The following IQCM variants were observed in gnomAD, a reference collection of about 807,000 sequenced individuals.
The protein encoded by IQCM is IQ motif containing M, also known as IQ domain-containing protein M.
IQCM carries 45 observed loss-of-function variants against 57.6 expected under a neutral mutation model. The observed-to-expected ratio is 0.78, with a 90% CI of 0.62 to 1.00. The LOEUF is 1.00. Among genes scored for constraint, IQCM ranks in the 50% least tolerant of loss-of-function variants. The probability of loss-of-function intolerance (pLI) is 0.00; values close to 1 mark genes in which losing one functional copy is unlikely to be tolerated. For missense variants in IQCM, 468 were observed against 511.6 expected (o/e 0.91, Z 0.82); for synonymous variants, 148 against 158.9 (o/e 0.93, Z 0.51).
intron 6 of IQCM, among the ~76,000 whole-genome samples, chr4:149,685,916 A>G (rs1484193730): frequency 6.6e-6 from 1 of 151,514 alleles, no homozygotes; most frequent in Admixed American, 6.6e-5. Flanking sequence ...AGCAGAGGCA[A>G]TGCTCAGAAT....
intron 7 of IQCM, among the ~76,000 whole-genome samples, chr4:149,650,780 C>T (rs141770609): frequency 2.4e-4 from 37 of 152,184 alleles, no homozygotes; most frequent in African/African-American, 8.2e-4. Flanking sequence ...ACATCTTTTG[C>T]GGAAGTTTTA....
At chr4:149,546,840 C>A (rs1013610236) in intron 12 of IQCM, among the ~76,000 whole-genome samples, 1 of 152,022 alleles carries the variant, frequency 6.6e-6, no homozygotes, top group Non-Finnish European at 1.5e-5. Flanking sequence ...TCCCATTTGT[C>A]AATTTTGGCT....
intron 5 of IQCM, among the ~76,000 whole-genome samples, chr4:149,715,306 A>C (rs556807750): frequency 6.6e-6 from 1 of 152,228 alleles, no homozygotes; most frequent in Non-Finnish European, 1.5e-5. Context: ...CAGCCACTGC[A>C]TACAGTCAGT....
At chr4:149,392,259 T>C (rs1417077450) in intron 13 of IQCM, among the ~76,000 whole-genome samples, 1 of 152,016 alleles carries the variant, frequency 6.6e-6, no homozygotes, top group Non-Finnish European at 1.5e-5. Context: ...CTGTAAGTGA[T>C]TCTATTCACA....
chr4:149,460,330 A>G (rs747112218), intron 12 of IQCM, among the ~76,000 whole-genome samples: 1 of 152,268 alleles, frequency 6.6e-6, no homozygotes, highest in Non-Finnish European at 1.5e-5. Flanking sequence ...TATAAGATAC[A>G]TGATTTGCAA....
At chr4:149,744,847 A>G (rs1255114574) in intron 2 of IQCM, among the ~76,000 whole-genome samples, 1 of 152,228 alleles carries the variant, frequency 6.6e-6, no homozygotes, top group Non-Finnish European at 1.5e-5. Context: ...AGCCAAAAAC[A>G]TAAATCAAAT....
rs549823644 is a variant in IQCM, at chr4:149,615,189, C to A, written c.681+5940G>T. Among the ~76,000 whole-genome samples, 12 of 152,002 alleles carry A rather than the reference C, an allele frequency of 7.9e-5. No individual in the cohort carries two copies. The South Asian group carries it at 2.3e-3, about 29-fold the overall frequency. On this transcript the variant is annotated intron_variant, in intron 8 of 13. Transcript: ENST00000636793. The stretch of plus-strand genomic sequence containing the variant: ...TACATTATATGTTCCATGATTGCTT[C>A]ATACATTATAAAGTTAGCAAACCTT...
chr4:149,708,907 C>T (rs1176993044), intron 5 of IQCM, among the ~76,000 whole-genome samples: 1 of 152,022 alleles, frequency 6.6e-6, no homozygotes, highest in African/African-American at 2.4e-5. Flanking sequence ...CCAGACAGAA[C>T]AGGAATCTGA....
chr4:149,442,424 A>C (rs1736035294), intron 12 of IQCM, among the ~76,000 whole-genome samples: 1 of 152,074 alleles, frequency 6.6e-6, no homozygotes, highest in South Asian at 2.1e-4. Context: ...AAAAAACCCA[A>C]AAAACAAAAA....
chr4:149,383,085 T>G (rs947204458), intron 13 of IQCM, among the ~76,000 whole-genome samples: 1 of 151,776 alleles, frequency 6.6e-6, no homozygotes, highest in African/African-American at 2.4e-5. Flanking sequence ...GGATCAAAAG[T>G]ATATGAAGTC....
chr4:149,563,556 A>C, intron 10 of IQCM, 136 bp downstream of exon 10: 1 of 551,282 alleles, frequency 1.8e-6, no homozygotes. Flanking sequence ...ATTGCACTCC[A>C]GCCTGGACAA....
At chr4:149,581,986 G>T (rs72957413) in intron 9 of IQCM, among the ~76,000 whole-genome samples, 2,799 of 151,434 alleles carry the variant, frequency 0.018, 59 homozygotes, top group African/African-American at 0.055. Flanking sequence ...GTGGGGAATT[G>T]TTTGTTGCTT....
intron 13 of IQCM, among the ~76,000 whole-genome samples, chr4:149,383,811 G>A (rs1731235263): frequency 6.6e-6 from 1 of 152,032 alleles, no homozygotes; most frequent in South Asian, 2.1e-4. Context: ...AATTAGCTGG[G>A]CATGGTGGTG....
chr4:149,513,065 T>C (rs1383174912), intron 12 of IQCM, among the ~76,000 whole-genome samples: 1 of 152,208 alleles, frequency 6.6e-6, no homozygotes, highest in Non-Finnish European at 1.5e-5. Flanking sequence ...AGGTTACCAG[T>C]GAACCATAAA....
chr4:149,698,126 T>C (rs1580043213), intron 5 of IQCM, among the ~76,000 whole-genome samples: 1 of 151,944 alleles, frequency 6.6e-6, no homozygotes. Flanking sequence ...TTTCCTACTC[T>C]ACCTTCATGT....
At chr4:149,484,048 T>G (rs943340717) in intron 12 of IQCM, among the ~76,000 whole-genome samples, 2 of 152,006 alleles carry the variant, frequency 1.3e-5, no homozygotes, top group African/African-American at 4.8e-5. Context: ...TCTTACAGTT[T>G]TTGTCTTGAA....
chr4:149,674,947 G>A (rs2150187497), intron 7 of IQCM, among the ~76,000 whole-genome samples: 1 of 152,180 alleles, frequency 6.6e-6, no homozygotes, highest in Non-Finnish European at 1.5e-5. Flanking sequence ...TTTAAAAATT[G>A]TCAGCATATA....
At chr4:149,588,805 T>C (rs1752874557) in intron 8 of IQCM, among the ~76,000 whole-genome samples, 1 of 151,870 alleles carries the variant, frequency 6.6e-6, no homozygotes, top group Admixed American at 6.6e-5. Context: ...ATGGTATCCC[T>C]AACACACTAA....
At chr4:149,708,815 C>CTA (rs1764348369) in intron 5 of IQCM, among the ~76,000 whole-genome samples, 1 of 152,026 alleles carries the variant, frequency 6.6e-6, no homozygotes, top group African/African-American at 2.4e-5. Flanking sequence ...GCTTGCCAAA[C>CTA]TATAATATGT....
Sources: allele counts gnomAD v4.1 joint callset (sites outside exome capture counted in the v4.1 genomes callset), GRCh38; gene constraint gnomAD v4.1.1; transcripts MANE v1.5; gene names NCBI Gene and HGNC (gene_info 2026-07-23, HGNC 2026-07-21).